The following CCDC85A variants were observed in gnomAD, a reference collection of about 807,000 sequenced individuals.
CCDC85A encodes coiled-coil domain containing 85A.
A neutral mutation model predicts 50.2 loss-of-function variants in CCDC85A; 38 were observed. The observed-to-expected ratio is 0.76, with a 90% confidence interval of 0.58 to 0.99. The LOEUF is 0.99. Ranked by LOEUF, CCDC85A falls within the 50% of genes least tolerant of loss-of-function variation. CCDC85A has a pLI of 0.00. For synonymous variants in CCDC85A, 366 were observed against 301.4 expected (o/e 1.21, Z -2.22); for missense variants, 820 against 742.0 (o/e 1.11, Z -1.22).
chr2:56,369,455 A>C (rs911180901), intron 3 of CCDC85A, among the ~76,000 whole-genome samples: 1 of 152,200 alleles, frequency 6.6e-6, no homozygotes, highest in Non-Finnish European at 1.5e-5. Flanking sequence ...AGAACTAACC[A>C]GAATCTGACC....
chr2:56,362,918 C>T (rs903882603), intron 3 of CCDC85A, among the ~76,000 whole-genome samples: 9 of 152,006 alleles, frequency 5.9e-5, no homozygotes, highest in Non-Finnish European at 8.8e-5. Flanking sequence ...CCATTGCTCC[C>T]GGCCCCATTT....
At chr2:56,257,959 A>G (rs1431840522) in intron 2 of CCDC85A, among the ~76,000 whole-genome samples, 1 of 152,236 alleles carries the variant, frequency 6.6e-6, no homozygotes, top group Non-Finnish European at 1.5e-5. Flanking sequence ...ATAAAAAATC[A>G]TCAGTAAGGG....
At chr2:56,305,271 G>A (rs1672392715) in intron 2 of CCDC85A, among the ~76,000 whole-genome samples, 1 of 152,152 alleles carries the variant, frequency 6.6e-6, no homozygotes. Context: ...TTACTGAACA[G>A]TTAGTTTAGC....
At chr2:56,267,544 C>A (rs1367700643) in intron 2 of CCDC85A, among the ~76,000 whole-genome samples, 2 of 152,074 alleles carry the variant, frequency 1.3e-5, no homozygotes, top group Non-Finnish European at 1.5e-5. Context: ...TGACTGGGAC[C>A]AGATGGGATG....
At chr2:56,250,907 C>A (rs770829209) in intron 2 of CCDC85A, among the ~76,000 whole-genome samples, 1 of 152,140 alleles carries the variant, frequency 6.6e-6, no homozygotes, top group South Asian at 2.1e-4. Context: ...GTCATATTCC[C>A]AGTACCCCTC....
chr2:56,207,101 T>G (rs1465186705), intron 2 of CCDC85A, among the ~76,000 whole-genome samples: 1 of 152,222 alleles, frequency 6.6e-6, no homozygotes, highest in Non-Finnish European at 1.5e-5. Context: ...GTGGACCCTT[T>G]GGCTTGTCTA....
chr2:56,317,865 G>C (rs576281457), intron 2 of CCDC85A, among the ~76,000 whole-genome samples: 8 of 152,014 alleles, frequency 5.3e-5, no homozygotes, highest in Non-Finnish European at 1.2e-4. Context: ...GTATGAAGTT[G>C]GGGGATTACC....
intron 2 of CCDC85A, among the ~76,000 whole-genome samples, chr2:56,196,466 A>G (rs1292033788): frequency 1.3e-5 from 2 of 152,198 alleles, no homozygotes; most frequent in Admixed American, 6.5e-5. Flanking sequence ...AGCCTCAACT[A>G]TTGAGAATGG....
intron 2 of CCDC85A, among the ~76,000 whole-genome samples, chr2:56,281,265 A>G (rs1216217786): frequency 1.3e-5 from 2 of 152,144 alleles, no homozygotes; most frequent in South Asian, 2.1e-4. Flanking sequence ...TGCATGTATT[A>G]TCTGTTCATT....
At chr2:56,210,661 C>T (rs1335784521) in intron 2 of CCDC85A, among the ~76,000 whole-genome samples, 3 of 151,862 alleles carry the variant, frequency 2.0e-5, no homozygotes, top group Non-Finnish European at 4.4e-5. Context: ...CCTTGAGCAT[C>T]CCCCGAATTT....
chr2:56,380,647 A>G (rs1676543369), intron 5 of CCDC85A, among the ~76,000 whole-genome samples: 1 of 152,112 alleles, frequency 6.6e-6, no homozygotes, highest in Admixed American at 6.6e-5. Context: ...TAAATAAATA[A>G]ATAAAGATAT....
chr2:56,301,435 A>C (rs1398153333), intron 2 of CCDC85A, among the ~76,000 whole-genome samples: 1 of 152,146 alleles, frequency 6.6e-6, no homozygotes, highest in Non-Finnish European at 1.5e-5. Context: ...TCTCAATCGT[A>C]ATTTTTTGAG....
At chr2:56,289,194 C>CT (rs1281042182) in intron 2 of CCDC85A, among the ~76,000 whole-genome samples, 3 of 152,136 alleles carry the variant, frequency 2.0e-5, no homozygotes, top group Admixed American at 6.5e-5. Context: ...GATTACCACT[C>CT]TTTTTTTCTC....
chr2:56,347,948 G>C (rs1317479060), intron 3 of CCDC85A, among the ~76,000 whole-genome samples: 1 of 152,154 alleles, frequency 6.6e-6, no homozygotes, highest in East Asian at 1.9e-4. Flanking sequence ...TTAAATGGAT[G>C]ATATAGAATA....
At chr2:56,274,086 G>T (rs1264526648) in intron 2 of CCDC85A, among the ~76,000 whole-genome samples, 1 of 152,088 alleles carries the variant, frequency 6.6e-6, no homozygotes. Context: ...AAATAGCTAT[G>T]CTGTACTAGT....
At chr2:56,269,973 A>G (rs901433003) in intron 2 of CCDC85A, among the ~76,000 whole-genome samples, 11 of 152,342 alleles carry the variant, frequency 7.2e-5, no homozygotes, top group African/African-American at 2.6e-4. Context: ...TGTCTGCTAA[A>G]TGCTTTCTCA....
chr2:56,214,992 C>G (rs903910912), intron 2 of CCDC85A, among the ~76,000 whole-genome samples: 1 of 151,876 alleles, frequency 6.6e-6, no homozygotes. Flanking sequence ...ATTGAGTCTT[C>G]CAATCCATGA....
At chr2:56,361,186 G>T (rs925397475) in intron 3 of CCDC85A, among the ~76,000 whole-genome samples, 3 of 152,054 alleles carry the variant, frequency 2.0e-5, no homozygotes, top group Non-Finnish European at 4.4e-5. Context: ...CCCAGGAGGC[G>T]GAGCTTGCAG....
intron 3 of CCDC85A, among the ~76,000 whole-genome samples, chr2:56,344,066 C>T (rs1038624982): frequency 2.0e-5 from 3 of 152,152 alleles, no homozygotes; most frequent in African/African-American, 7.2e-5. Flanking sequence ...AATAAACCTA[C>T]AGTAGTTGTC....
Sources: gnomAD v4.1 joint callset for allele counts (sites outside exome capture counted in the v4.1 genomes callset) on GRCh38, gnomAD v4.1.1 for gene constraint, MANE v1.5 for transcripts, NCBI Gene and HGNC (gene_info 2026-07-23, HGNC 2026-07-21) for gene names.